Variants in FIRRM observed in about 807,000 individuals in gnomAD.
The protein encoded by FIRRM is FIGNL1-interacting regulator of recombination and mitosis.
the FIRRM span, chr1:169,794,968 G>C: frequency 1.5e-6 from 1 of 676,338 alleles, no homozygotes; most frequent in Non-Finnish European, 2.5e-6. Flanking sequence ...AGGGACCCGG[G>C]CTCACCAAGA....
At chr1:169,787,632 T>C in the FIRRM span, among the ~76,000 whole-genome samples, 149 of 152,346 alleles carry the variant, frequency 9.8e-4, 1 homozygote, top group East Asian at 0.023. Context: ...CCATGGTCCC[T>C]ATACTATCTC....
the FIRRM span, among the ~76,000 whole-genome samples, chr1:169,794,351 C>T: frequency 2.6e-5 from 4 of 152,170 alleles, no homozygotes; most frequent in East Asian, 7.7e-4. Flanking sequence ...TAGGTATGGC[C>T]TGGTGTGTGT....
chr1:169,852,288 A>G, the FIRRM span: 6 of 315,976 alleles, frequency 1.9e-5, no homozygotes. Context: ...TAATCAAATG[A>G]GTCTCCTAAT....
chr1:169,848,769 C>T, the FIRRM span, among the ~76,000 whole-genome samples: 3 of 152,148 alleles, frequency 2.0e-5, no homozygotes, highest in African/African-American at 4.8e-5. Flanking sequence ...ATGGACTATG[C>T]ACGGGCCTAG....
At chr1:169,827,890 CTGT>C in the FIRRM span, 3 of 1,586,076 alleles carry the variant, frequency 1.9e-6, no homozygotes, top group East Asian at 6.7e-5. Flanking sequence ...TAAGAAGGCC[CTGT>C]TGTTTGGAAT....
At chr1:169,827,707 T>C in the FIRRM span, 1 of 1,613,850 alleles carries the variant, frequency 6.2e-7, no homozygotes, top group South Asian at 1.1e-5. Flanking sequence ...TTATTACATG[T>C]AAGACCTGCC....
chr1:169,813,158 T>G, the FIRRM span, among the ~76,000 whole-genome samples: 1 of 152,208 alleles, frequency 6.6e-6, no homozygotes, highest in South Asian at 2.1e-4. Flanking sequence ...TGGATTATAG[T>G]GTGTATTATA....
At chr1:169,794,915 G>A in the FIRRM span, 1 of 584,724 alleles carries the variant, frequency 1.7e-6, no homozygotes, top group South Asian at 2.1e-5. Context: ...AGTGAGTCGA[G>A]TCCTCCAGGG....
At chr1:169,798,874 A>C in the FIRRM span, 1 of 1,150,032 alleles carries the variant, frequency 8.7e-7, no homozygotes, top group South Asian at 1.8e-5. Flanking sequence ...CTGAGTAATG[A>C]ATACCCTATT....
At chr1:169,837,684 G>A in the FIRRM span, among the ~76,000 whole-genome samples, 3 of 152,214 alleles carry the variant, frequency 2.0e-5, no homozygotes, top group South Asian at 6.2e-4. Flanking sequence ...CTTTGTTCTA[G>A]GCATTGGGGG....
the FIRRM span, chr1:169,802,860 T>C: frequency 1.6e-6 from 1 of 617,670 alleles, no homozygotes; most frequent in Middle Eastern, 2.7e-4. Flanking sequence ...ATTAAAGACG[T>C]GAATATAGAA....
At chr1:169,789,060 C>A in the FIRRM span, among the ~76,000 whole-genome samples, 4 of 152,328 alleles carry the variant, frequency 2.6e-5, no homozygotes, top group African/African-American at 9.6e-5. Context: ...AGGAGTCTTA[C>A]AAAGCACAGA....
At chr1:169,800,900 G>A in the FIRRM span, 1 of 1,575,960 alleles carries the variant, frequency 6.3e-7, no homozygotes, top group Non-Finnish European at 8.7e-7. Flanking sequence ...GAAAATTATT[G>A]TAGAAATGTT....
the FIRRM span, among the ~76,000 whole-genome samples, chr1:169,831,755 G>A: frequency 1.8e-4 from 28 of 152,046 alleles, no homozygotes; most frequent in African/African-American, 6.3e-4. Flanking sequence ...TTTTTTGTTA[G>A]TGGTGGTTTT....
the FIRRM span, among the ~76,000 whole-genome samples, chr1:169,831,916 C>G: frequency 6.6e-6 from 1 of 152,074 alleles, no homozygotes; most frequent in Non-Finnish European, 1.5e-5. Context: ...GCCACTATGC[C>G]CAGCTGATTT....
At chr1:169,793,985 C>T in the FIRRM span, 5,187 of 254,458 alleles carry the variant, frequency 0.02, 280 homozygotes, top group African/African-American at 0.11. Flanking sequence ...AAACAGCCAC[C>T]CCCACCCCTC....
chr1:169,814,770 TAGTA>T, the FIRRM span, among the ~76,000 whole-genome samples: 3 of 152,190 alleles, frequency 2.0e-5, no homozygotes, highest in Non-Finnish European at 4.4e-5. Flanking sequence ...CTCTTTTTAT[TAGTA>T]AGGCTTATAG....
the FIRRM span, chr1:169,798,902 T>G: frequency 7.7e-7 from 1 of 1,300,098 alleles, no homozygotes; most frequent in Non-Finnish European, 1.0e-6. Context: ...TACTAGTATC[T>G]TCCTTAATTA....
At chr1:169,846,517 C>G in the FIRRM span, among the ~76,000 whole-genome samples, 1 of 152,178 alleles carries the variant, frequency 6.6e-6, no homozygotes, top group Non-Finnish European at 1.5e-5. Flanking sequence ...CCACTTCCAT[C>G]AGTGATCTTA....
Sources: gnomAD v4.1 joint callset for allele counts (sites outside exome capture counted in the v4.1 genomes callset) on GRCh38, gnomAD v4.1.1 for gene constraint, MANE v1.5 for transcripts, NCBI Gene and HGNC (gene_info 2026-07-23, HGNC 2026-07-21) for gene names.